LOC400499: variants seen among roughly 807,000 people sequenced by gnomAD.
chr16:11,507,057 G>A, the LOC400499 span, among the ~76,000 whole-genome samples: 8 of 152,306 alleles, frequency 5.3e-5, no homozygotes, highest in South Asian at 2.1e-4. Flanking sequence ...CACCGCCAGC[G>A]TCCAAAAGTG....
the LOC400499 span, among the ~76,000 whole-genome samples, chr16:11,513,889 T>C: frequency 6.6e-6 from 1 of 152,180 alleles, no homozygotes; most frequent in Non-Finnish European, 1.5e-5. Context: ...TATTTCATTA[T>C]TCAGGAAGAC....
At chr16:11,380,470 C>T in the LOC400499 span, among the ~76,000 whole-genome samples, 1 of 152,034 alleles carries the variant, frequency 6.6e-6, no homozygotes, top group East Asian at 1.9e-4. Flanking sequence ...ATCCCAGCTA[C>T]TCGGGAGGCT....
At chr16:11,391,824 A>C in the LOC400499 span, 3 of 1,232,120 alleles carry the variant, frequency 2.4e-6, no homozygotes, top group Admixed American at 4.2e-5. Context: ...CTGCAGAAGG[A>C]GGCCTGCCAC....
the LOC400499 span, among the ~76,000 whole-genome samples, chr16:11,437,024 G>T: frequency 6.6e-6 from 1 of 152,146 alleles, no homozygotes; most frequent in Non-Finnish European, 1.5e-5. Flanking sequence ...AGACATGGAG[G>T]AAACTTAAAT....
the LOC400499 span, among the ~76,000 whole-genome samples, chr16:11,509,265 C>T: frequency 6.6e-6 from 1 of 151,684 alleles, no homozygotes; most frequent in Admixed American, 6.6e-5. Context: ...CTACAGGCGC[C>T]TGCCACCACG....
the LOC400499 span, among the ~76,000 whole-genome samples, chr16:11,412,107 C>T: frequency 6.6e-6 from 1 of 152,238 alleles, no homozygotes; most frequent in African/African-American, 2.4e-5. Context: ...TTAAGCAATC[C>T]TCCCACCTCG....
At chr16:11,409,688 T>C in the LOC400499 span, among the ~76,000 whole-genome samples, 1 of 152,228 alleles carries the variant, frequency 6.6e-6, no homozygotes, top group Non-Finnish European at 1.5e-5. Flanking sequence ...GGGCTGTACA[T>C]TAAATGAAGG....
the LOC400499 span, among the ~76,000 whole-genome samples, chr16:11,487,084 T>C: frequency 1.3e-5 from 2 of 151,694 alleles, no homozygotes; most frequent in Non-Finnish European, 2.9e-5. Flanking sequence ...TGGAGGCATG[T>C]AGGTGAATTG....
the LOC400499 span, among the ~76,000 whole-genome samples, chr16:11,481,592 G>C: frequency 5.3e-5 from 8 of 151,896 alleles, no homozygotes; most frequent in African/African-American, 1.9e-4. Context: ...CAAAGTGCTG[G>C]GATTGCAGGC....
At chr16:11,453,899 T>A in the LOC400499 span, among the ~76,000 whole-genome samples, 2 of 152,060 alleles carry the variant, frequency 1.3e-5, no homozygotes, top group East Asian at 3.9e-4. Context: ...ATCTAACCAA[T>A]AGGAATTTCA....
the LOC400499 span, chr16:11,456,832 C>G: frequency 6.5e-7 from 1 of 1,536,030 alleles, no homozygotes; most frequent in Non-Finnish European, 8.7e-7. Context: ...AGCTGCTAGC[C>G]AAGGAGGCCC....
At chr16:11,502,287 G>A in the LOC400499 span, 1 of 396,724 alleles carries the variant, frequency 2.5e-6, no homozygotes, top group Non-Finnish European at 4.4e-6. Context: ...AAAGTGGGAA[G>A]GACCTACCAC....
chr16:11,375,416 C>G, the LOC400499 span, among the ~76,000 whole-genome samples: 2 of 139,258 alleles, frequency 1.4e-5, no homozygotes, highest in Non-Finnish European at 3.1e-5. Flanking sequence ...CGTGTTCAAG[C>G]AATTCTCCTG....
the LOC400499 span, among the ~76,000 whole-genome samples, chr16:11,454,416 C>T: frequency 3.3e-5 from 5 of 152,120 alleles, no homozygotes; most frequent in Admixed American, 6.6e-5. Flanking sequence ...TGAGGTCATA[C>T]GAGAATAGGA....
chr16:11,526,359 G>A, the LOC400499 span, among the ~76,000 whole-genome samples: 1 of 152,046 alleles, frequency 6.6e-6, no homozygotes, highest in Non-Finnish European at 1.5e-5. Flanking sequence ...AGACCAGCCT[G>A]GGCAACATGG....
chr16:11,374,536 G>T, the LOC400499 span, among the ~76,000 whole-genome samples: 2 of 152,136 alleles, frequency 1.3e-5, no homozygotes, highest in Non-Finnish European at 2.9e-5. Flanking sequence ...CTGTCTCTAT[G>T]AAACTTATTA....
At chr16:11,396,645 C>T in the LOC400499 span, 1 of 1,232,038 alleles carries the variant, frequency 8.1e-7, no homozygotes, top group Non-Finnish European at 1.0e-6. Context: ...CCACCCTGGC[C>T]CAGGGTGTGC....
At chr16:11,384,278 C>G in the LOC400499 span, 2 of 1,232,328 alleles carry the variant, frequency 1.6e-6, no homozygotes, top group South Asian at 4.1e-5. Flanking sequence ...AACATCAGCT[C>G]ATTGCCTGCT....
At chr16:11,411,855 CTTTTT>C in the LOC400499 span, among the ~76,000 whole-genome samples, 8 of 144,252 alleles carry the variant, frequency 5.5e-5, no homozygotes, top group African/African-American at 2.0e-4. Flanking sequence ...TTCTCTTTTT[CTTTTT>C]TTTTTTTTCC....
Sources: allele counts gnomAD v4.1 joint callset (sites outside exome capture counted in the v4.1 genomes callset), GRCh38; gene constraint gnomAD v4.1.1; transcripts MANE v1.5.